Variants in APOL2 observed in about 807,000 individuals in gnomAD.
APOL2 encodes apolipoprotein L, 2.
APOL2 carries 8 observed loss-of-function variants against 7.1 expected under a neutral mutation model. The observed-to-expected ratio is 1.12, with a 90% confidence interval of 0.66 to 2.03. The LOEUF (loss-of-function observed/expected upper bound fraction) is 2.03, where lower values mean the gene tolerates loss of function less well. Ranked by LOEUF, APOL2 falls within the 30% of genes most tolerant of loss-of-function variation. The pLI is 0.00. For missense variants in APOL2, 471 were observed against 415.1 expected (o/e 1.13, Z -1.17); for synonymous variants, 177 against 159.9 (o/e 1.11, Z -0.81).
intron 1 of APOL2, among the ~76,000 whole-genome samples, chr22:36,235,688 G>C: frequency 6.6e-6 from 1 of 150,994 alleles, no homozygotes; most frequent in East Asian, 2.0e-4. Flanking sequence ...CCAGGCACAG[G>C]GTCACAGGGT....
intron 1 of APOL2, among the ~76,000 whole-genome samples, chr22:36,235,752 GGTGGGTGTGTGTGTGTGT>G (rs1483709690): frequency 3.0e-4 from 33 of 111,532 alleles, no homozygotes; most frequent in African/African-American, 1.1e-3. Flanking sequence ...AGGGTGGGTG[GGTGGGTGTGTGTGTGTGT>G]GTGTGTGTGT....
intron 3 of APOL2, 123 bp downstream of exon 3, chr22:36,233,030 C>G: frequency 1.0e-6 from 1 of 1,003,950 alleles, no homozygotes. Flanking sequence ...TTCTGCTGCT[C>G]GGGGCAGACT....
chr22:36,236,878 C>T (rs762543061), intron 1 of APOL2: 46 of 1,273,728 alleles, frequency 3.6e-5, no homozygotes, highest in Middle Eastern at 3.0e-4. Flanking sequence ...CATCTGGACA[C>T]TTCTTGCTGT....
At chr22:36,233,661 C>A (rs535884670) in intron 1 of APOL2, among the ~76,000 whole-genome samples, 13 of 152,090 alleles carry the variant, frequency 8.5e-5, no homozygotes, top group African/African-American at 3.1e-4. Context: ...GTATCTCATT[C>A]GATGATCACA....
Position 36,229,095 on chromosome 22 carries a change from A to G in APOL2, c.138-815T>C, listed in dbSNP as rs553346560. Reference sequence around the variant, plus strand: ...TGGACTTGCACCACCTTGGCTCAGCAAGAATCTCCCCAAATCAGTTTAGGG... The same window carrying G: ...TGGACTTGCACCACCTTGGCTCAGCGAGAATCTCCCCAAATCAGTTTAGGG... On this transcript the variant is annotated intron_variant, in intron 4 of 4. Coordinates refer to ENST00000358502, the MANE Select transcript of APOL2 (RefSeq NM_030882.4). Among the ~76,000 whole-genome samples the G allele has an allele frequency of 7.9e-5, 12 of 152,316 alleles. No individual in the cohort carries two copies. The South Asian group carries it at 2.5e-3, about 32-fold the overall frequency.
chr22:36,236,043 A>G (rs2015393506), intron 1 of APOL2, among the ~76,000 whole-genome samples: 1 of 152,200 alleles, frequency 6.6e-6, no homozygotes, highest in African/African-American at 2.4e-5. Context: ...CAAGCAGTAC[A>G]AGGGAGGAAA....
At chr22:36,233,125 C>T in intron 3 of APOL2, 28 bp downstream of exon 3, 1 of 1,611,696 alleles carries the variant, frequency 6.2e-7, no homozygotes, top group Non-Finnish European at 8.5e-7. Flanking sequence ...CGAGTAGGAA[C>T]TAGCCAGGAA....
chr22:36,239,248 CG>C lies in APOL2; in HGVS notation c.-134+192del. The stretch of plus-strand genomic sequence containing the variant: ...TCCCCACCTCTCTCTACAGTTTACC[CG>C]CCCAGCAGGAGGGAGGGAGCAATCA... On this transcript the variant is annotated intron_variant, in intron 1 of 4. Coordinates refer to ENST00000358502, the MANE Select transcript of APOL2 (RefSeq NM_030882.4). The C allele has an allele frequency of 2.2e-6, 3 of 1,371,860 alleles. No homozygotes were observed. The South Asian group carries it at 5.5e-5, about 25-fold the overall frequency. 85.0% of individuals were successfully genotyped at this position (1,371,860 alleles called of 1,614,324 possible).
chr22:36,239,471 A>G lies in APOL2; in HGVS notation c.-164T>C. 1 of 1,578,106 alleles carries G rather than the reference A, an allele frequency of 6.3e-7. No individual in the cohort carries two copies. Among genetic ancestry groups the G allele is most frequent in the Non-Finnish European group, 8.6e-7 (1 of 1,168,670 alleles). On this transcript the variant is annotated 5_prime_UTR_variant, in exon 1 of 5. Transcript: ENST00000358502. ...GATCTTCCTCTGACAGAGACTGAGCAAGATCCAACTGTTCTGAGCTGTGTG... is the reference window on the plus strand; with the variant it reads ...GATCTTCCTCTGACAGAGACTGAGCGAGATCCAACTGTTCTGAGCTGTGTG...
At position 36,227,378 on chromosome 22, in the gene APOL2, G is replaced by A; in HGVS notation, c.*26C>T. On this transcript the variant is annotated 3_prime_UTR_variant, in exon 5 of 5. Transcript: ENST00000358502. ...GTCCTGGCCTGTGCCCGGCATTTCT[G>A]CCCTGGTGGCTGCACTGCTCTGGGG... 6.5e-7 allele frequency: 1 copy of A among 1,547,560 alleles called. No individual in the cohort carries two copies. The highest frequency in any genetic ancestry group is 8.7e-7 in the Non-Finnish European group (1 of 1,147,638).
rs1484272148 is a variant in APOL2 at position 36,233,421 on chromosome 22, C to G, written c.-99G>C. 1 of 1,551,140 alleles carries G rather than the reference C, an allele frequency of 6.4e-7. No homozygotes were observed. The highest frequency in any genetic ancestry group is 2.4e-5 in the East Asian group (1 of 41,160). ...ACTCACCTCGTTCCAGCTTCCTCTT[C>G]CCTCACTCTCACACCAAGGCAGGGT... On this transcript the variant is annotated 5_prime_UTR_variant, in exon 2 of 5. Transcript: ENST00000358502.
intron 4 of APOL2, among the ~76,000 whole-genome samples, chr22:36,229,091 C>A (rs2015127066): frequency 6.6e-6 from 1 of 152,220 alleles, no homozygotes; most frequent in South Asian, 2.1e-4. Flanking sequence ...CACCTTGGCT[C>A]AGCAAGAATC....
chr22:36,233,880 C>A (rs932465936), intron 1 of APOL2, among the ~76,000 whole-genome samples: 6 of 152,224 alleles, frequency 3.9e-5, no homozygotes, highest in Admixed American at 2.6e-4. Context: ...TTGCAAATCC[C>A]TGTCTCACAC....
At position 36,227,332 on chromosome 22, in the gene APOL2, A is replaced by G. The variant is rs1460147706; in HGVS notation, c.*72T>C. The G allele has an allele frequency of 2.0e-6, 3 of 1,484,590 alleles. No individual in the cohort carries two copies. The highest frequency in any genetic ancestry group is 4.6e-5 in the East Asian group (2 of 43,682). The allele number at this position is 1,484,590 out of a possible 1,614,324, so 92.0% of individuals were successfully genotyped here. ...CTCCATCTCAAAAAAAAAAAAAAAA[A>G]AAAAAAAAAGTCTGCATTTTGTCCT... On this transcript the variant is annotated 3_prime_UTR_variant, in exon 5 of 5. Transcript: ENST00000358502.
chr22:36,227,479 C>T lies in APOL2; in HGVS notation c.939G>A (p.Arg313=), dbSNP rs750398821. The change falls in exon 5 of 5, where the codon CGG becomes CGA. Residue 313 remains arginine, a synonymous_variant. Transcript: ENST00000358502. ...TGAGCTTCCCCTCCAGCTCCTGAGC[C>T]CGCTTCTTCAGCTCCTCAGCTGACT... The part of the protein sequence containing the change: ...KSESAEELKK[R]AQELEGKLNF... 11 of 1,614,080 alleles carry T rather than the reference C, an allele frequency of 6.8e-6. No individual in the cohort carries two copies. Among genetic ancestry groups the T allele is most frequent in the Non-Finnish European group, 9.3e-6 (11 of 1,180,028 alleles).
chr22:36,236,458 G>T, intron 1 of APOL2: 3 of 693,164 alleles, frequency 4.3e-6, no homozygotes, highest in South Asian at 6.4e-5. Flanking sequence ...ATTAGGAAAA[G>T]GTGGAGAGGA....
At chr22:36,232,319 G>A (rs1268590692) in intron 3 of APOL2, among the ~76,000 whole-genome samples, 1 of 152,226 alleles carries the variant, frequency 6.6e-6, no homozygotes, top group Non-Finnish European at 1.5e-5. Flanking sequence ...TCATGGGAAT[G>A]AGGCCCTGCC....
intron 1 of APOL2, chr22:36,237,332 C>T: frequency 7.5e-7 from 1 of 1,334,164 alleles, no homozygotes. Context: ...CTCAGCAAAG[C>T]ATCTCCCTCC....
Position 36,227,492 on chromosome 22 carries a change from TC to T in APOL2, c.925del (p.Glu309SerfsTer2). 3 of 1,614,174 alleles carry T rather than the reference TC, an allele frequency of 1.9e-6. No homozygotes were observed. The highest frequency in any genetic ancestry group is 2.5e-6 in the Non-Finnish European group (3 of 1,180,028). On this transcript the variant is annotated frameshift_variant, in exon 5 of 5. Coordinates refer to ENST00000358502, the MANE Select transcript of APOL2 (RefSeq NM_030882.4). LOFTEE classifies it low-confidence loss of function (END_TRUNC). ...LEGAKSESAE[E>X]LKKRAQELEG... ...CAGCTCCTGAGCCCGCTTCTTCAGC[TC>T]CTCAGCTGACTCTGACTTTGCCCCC...
Sources: gnomAD v4.1 joint callset for allele counts (sites outside exome capture counted in the v4.1 genomes callset) on GRCh38, gnomAD v4.1.1 for gene constraint, MANE v1.5 for transcripts, NCBI Gene and HGNC (gene_info 2026-07-23, HGNC 2026-07-21) for gene names.